The following ALK variants were observed in gnomAD, a reference collection of about 807,000 sequenced individuals.
ALK encodes the protein ALK receptor tyrosine kinase.
ALK carries 74 observed loss-of-function variants against 163.1 expected under a neutral mutation model. The observed-to-expected ratio is 0.45, with a 90% CI of 0.38 to 0.55. The LOEUF (loss-of-function observed/expected upper bound fraction) is 0.55. Among genes scored for constraint, ALK ranks in the 20% least tolerant of loss-of-function variants. The pLI, the probability that ALK is intolerant of heterozygous loss-of-function variation, is 0.00. For synonymous variants in ALK, 960 were observed against 843.2 expected, an observed-to-expected ratio of 1.14 and a Z score of -2.40; for missense variants, 2,063 against 2,105.3, an observed-to-expected ratio of 0.98 and a Z score of 0.39.
At chr2:29,300,142 T>C (rs976565977) in intron 8 of ALK, among the ~76,000 whole-genome samples, 4 of 152,078 alleles carry the variant, frequency 2.6e-5, no homozygotes, top group African/African-American at 9.7e-5. Flanking sequence ...CCATGCAGGG[T>C]CACTGTAGAT....
At chr2:29,782,433 G>A (rs1337335142) in intron 1 of ALK, among the ~76,000 whole-genome samples, 4 of 152,164 alleles carry the variant, frequency 2.6e-5, no homozygotes, top group Admixed American at 2.6e-4. Context: ...TCCAGGGGCT[G>A]CAGGAATAAA....
intron 4 of ALK, among the ~76,000 whole-genome samples, chr2:29,473,766 G>T (rs1671428613): frequency 6.6e-6 from 1 of 152,152 alleles, no homozygotes; most frequent in South Asian, 2.1e-4. Context: ...TGAGGCAGGA[G>T]AATCGCTTGA....
chr2:29,323,869 C>G (rs113174615), intron 6 of ALK, among the ~76,000 whole-genome samples: 11 of 152,314 alleles, frequency 7.2e-5, no homozygotes, highest in African/African-American at 2.6e-4. Context: ...TGGAAGACTT[C>G]AAAACTTATT....
intron 4 of ALK, among the ~76,000 whole-genome samples, chr2:29,438,682 G>A (rs2148079010): frequency 6.6e-6 from 1 of 152,272 alleles, no homozygotes; most frequent in Admixed American, 6.5e-5. Context: ...CTGCCTTCAG[G>A]AATATGTAGG....
At chr2:29,620,389 A>G (rs954377374) in intron 3 of ALK, among the ~76,000 whole-genome samples, 18 of 151,908 alleles carry the variant, frequency 1.2e-4, no homozygotes, top group Non-Finnish European at 2.6e-4. Flanking sequence ...CTCCAGTAGG[A>G]CCACATCTTA....
chr2:29,525,502 G>A (rs1261665832), intron 4 of ALK, among the ~76,000 whole-genome samples: 1 of 152,080 alleles, frequency 6.6e-6, no homozygotes. Flanking sequence ...AGCTCAAGAT[G>A]AGACTCGGGC....
chr2:29,248,784 G>C (rs1337807474), intron 12 of ALK, among the ~76,000 whole-genome samples: 1 of 152,220 alleles, frequency 6.6e-6, no homozygotes, highest in East Asian at 1.9e-4. Context: ...AATAATAAAT[G>C]GGAAAATGAA....
Position 29,226,928 on chromosome 2 carries a change from A to G in ALK, c.3061T>C (p.Cys1021Arg), listed in dbSNP as rs2148178283. 1.2e-6 allele frequency: 2 copies of G among 1,614,134 alleles called. No homozygotes were observed. Among genetic ancestry groups the G allele is most frequent in the Non-Finnish European group, 1.7e-6 (2 of 1,180,024 alleles). ...GTVLAEDGVS[C>R]IVSPTPEPHL... Reference sequence around the variant, plus strand: ...CCTGGCCCTGCCCCCTTACCAATGCAGGAGACGCCATCCTCAGCCAGCACC... The same window carrying G: ...CCTGGCCCTGCCCCCTTACCAATGCGGGAGACGCCATCCTCAGCCAGCACC... Residue 1021 changes from cysteine (C) to arginine (R), a missense_variant, in exon 18 of 29, where the codon TGC (cysteine) becomes CGC (arginine). Around this residue, in one of 5 missense-constraint regions of ALK, gnomAD observed 575 missense variants for 626.6 expected, o/e 0.92. Coordinates refer to ENST00000389048, the MANE Select transcript of ALK (RefSeq NM_004304.5).
At chr2:29,618,207 A>G (rs72862851) in intron 3 of ALK, among the ~76,000 whole-genome samples, 1 of 152,182 alleles carries the variant, frequency 6.6e-6, no homozygotes, top group Non-Finnish European at 1.5e-5. Context: ...GTTTCTGATC[A>G]AAGGTCAACC....
intron 3 of ALK, among the ~76,000 whole-genome samples, chr2:29,607,887 T>C (rs1422062161): frequency 1.3e-5 from 2 of 152,046 alleles, no homozygotes. Flanking sequence ...TTTTTCAATC[T>C]CAGTAGACCT....
chr2:29,609,622 T>C (rs1298680735), intron 3 of ALK, among the ~76,000 whole-genome samples: 4 of 150,736 alleles, frequency 2.7e-5, no homozygotes, highest in Non-Finnish European at 4.4e-5. Context: ...CTTGGTGCTT[T>C]TTATCAACAG....
At chr2:29,814,972 T>C (rs35329001) in intron 1 of ALK, among the ~76,000 whole-genome samples, 20,890 of 119,886 alleles carry the variant, frequency 0.17, 1,645 homozygotes, top group South Asian at 0.24. Flanking sequence ...TCTAATTTAA[T>C]CTGAAATGAA....
chr2:29,717,006 A>C lies in ALK; in HGVS notation c.787+572T>G, dbSNP rs764721386. Reference sequence around the variant, plus strand: ...TGTCTACCAAAAATCCAAAAAAAAAAAAAAAAAAAAAAAAAATTAGCCAGG... The same window carrying C: ...TGTCTACCAAAAATCCAAAAAAAAACAAAAAAAAAAAAAAAATTAGCCAGG... On this transcript the variant is annotated intron_variant, in intron 2 of 28. Transcript: ENST00000389048. Among the ~76,000 whole-genome samples, 1,003 of 147,688 alleles carry C rather than the reference A, an allele frequency of 6.8e-3. 12 individuals carry two copies. Among genetic ancestry groups the C allele is most frequent in the Non-Finnish European group, 0.011 (713 of 66,962 alleles).
chr2:29,592,016 A>G (rs1675072795), intron 3 of ALK, among the ~76,000 whole-genome samples: 2 of 151,970 alleles, frequency 1.3e-5, no homozygotes, highest in African/African-American at 2.4e-5. Flanking sequence ...GGCTACCCAC[A>G]TTGAAGGCTG....
chr2:29,221,575 A>G (rs1359030430), intron 22 of ALK, among the ~76,000 whole-genome samples: 1 of 152,222 alleles, frequency 6.6e-6, no homozygotes, highest in Non-Finnish European at 1.5e-5. Flanking sequence ...GCCAAGTTTT[A>G]TTCATAATCA....
chr2:29,886,487 G>T (rs945899744), intron 1 of ALK, among the ~76,000 whole-genome samples: 1 of 152,178 alleles, frequency 6.6e-6, no homozygotes, highest in Admixed American at 6.5e-5. Context: ...TTTTATAAGA[G>T]ACTAAACAGA....
intron 1 of ALK, among the ~76,000 whole-genome samples, chr2:29,904,629 C>G (rs1441507624): frequency 6.6e-6 from 1 of 152,114 alleles, no homozygotes; most frequent in Non-Finnish European, 1.5e-5. Context: ...CAAAAGAACC[C>G]TATAAAGCAA....
At chr2:29,327,144 G>T (rs1667288596) in intron 6 of ALK, among the ~76,000 whole-genome samples, 1 of 152,212 alleles carries the variant, frequency 6.6e-6, no homozygotes, top group Non-Finnish European at 1.5e-5. Flanking sequence ...AGAGGCAGCT[G>T]CGGGGAGCAC....
At chr2:29,386,273 T>G (rs1303046952) in intron 4 of ALK, among the ~76,000 whole-genome samples, 1 of 152,224 alleles carries the variant, frequency 6.6e-6, no homozygotes, top group Non-Finnish European at 1.5e-5. Context: ...CAATAGATGC[T>G]GTAGAAGGGA....
Sources: allele counts gnomAD v4.1 joint callset (sites outside exome capture counted in the v4.1 genomes callset), GRCh38; gene constraint gnomAD v4.1.1; regional missense constraint gnomAD v4.1.1; transcripts MANE v1.5; gene names NCBI Gene and HGNC (gene_info 2026-07-23, HGNC 2026-07-21).